NPR2: variants seen among roughly 807,000 people sequenced by gnomAD.
The protein encoded by NPR2 is atrial natriuretic peptide receptor 2.
Under a neutral mutation model 120.7 loss-of-function variants are expected in NPR2, and 49 were observed. The observed-to-expected ratio is 0.41, with a 90% CI of 0.32 to 0.52. The LOEUF is 0.52. Among genes scored for constraint, NPR2 ranks in the 20% least tolerant of loss-of-function variants. NPR2 has a pLI of 0.36. For synonymous variants in NPR2, 484 were observed against 519.8 expected, an observed-to-expected ratio of 0.93 and a Z score of 0.94; for missense variants, 931 against 1,362.9, an observed-to-expected ratio of 0.68 and a Z score of 4.99.
At position 35,800,475 on chromosome 9, in the gene NPR2, G is replaced by T; in HGVS notation, c.1210G>T (p.Asp404Tyr). The T allele has an allele frequency of 6.2e-7, 1 of 1,613,274 alleles. No individual in the cohort carries two copies. ...LWAMGDLDSGDFQPAAHYSGA... is the reference protein window; with the variant it reads ...LWAMGDLDSGYFQPAAHYSGA... ...GGCCATGGGAGACCTGGATTCTGGGGACTTTCAGGTGATGGAGGAGGAGGC... is the reference window on the plus strand; with the variant it reads ...GGCCATGGGAGACCTGGATTCTGGGTACTTTCAGGTGATGGAGGAGGAGGC... Residue 404 changes from aspartate to tyrosine, a missense_variant, in exon 5 of 22, where the codon GAC becomes TAC. By Grantham distance (160) the Asp-to-Tyr change is radical. This residue lies in a region of NPR2 where 681 missense variants were observed against 974.3 expected (regional missense o/e 0.70). Transcript: ENST00000342694. The surrounding 1 kb of genome is among the most constrained non-coding windows in gnomAD (Gnocchi z 4.7).
In NPR2 at chr9:35,806,296, G is replaced by C. The variant is rs1282843052; in HGVS notation, c.2372+63G>C. Reference sequence around the variant, plus strand: ...AGAAGACTCATTAGTCCTAGTGCATGAAGTGGGGCAGGTGGGACCAGAGGG... The same window carrying C: ...AGAAGACTCATTAGTCCTAGTGCATCAAGTGGGGCAGGTGGGACCAGAGGG... On this transcript the variant is annotated intron_variant, in intron 15 of 21. Coordinates refer to ENST00000342694, the MANE Select transcript of NPR2 (RefSeq NM_003995.4). This position sits in a 1 kb window ranked among gnomAD's most constrained non-coding sequence, Gnocchi z 4.6. 5 of 1,610,846 alleles carry C rather than the reference G, an allele frequency of 3.1e-6. No homozygotes were observed. The East Asian group carries it at 1.1e-4, about 36-fold the overall frequency.
In NPR2 at chr9:35,800,539, G is replaced by A. The variant is rs2132079035; in HGVS notation, c.1218+56G>A. 8 of 1,573,788 alleles carry A rather than the reference G, an allele frequency of 5.1e-6. No homozygotes were observed. Among genetic ancestry groups the A allele is most frequent in the Non-Finnish European group, 7.0e-6 (8 of 1,144,034 alleles). On this transcript the variant is annotated intron_variant, in intron 5 of 21. Coordinates refer to ENST00000342694, the MANE Select transcript of NPR2 (RefSeq NM_003995.4). The surrounding 1 kb of genome is among the most constrained non-coding windows in gnomAD (Gnocchi z 4.7). ...TGGCCCTGCAAAATCCAGCTTTCAA[G>A]GGTTCAGTCGGGGCAGAACCAAAAC...
At position 35,802,439 on chromosome 9, in the gene NPR2, G is replaced by A; in HGVS notation, c.1711-64G>A. On this transcript the variant is annotated intron_variant, in intron 10 of 21. Transcript: ENST00000342694. This position sits in a 1 kb window ranked among gnomAD's most constrained non-coding sequence, Gnocchi z 4.2. ...GAAAGGTCCTCTTATGTAGTGGTAA[G>A]TTTCTGTATCTAATTTTTAACTCTT... 1 of 1,043,348 alleles carries A rather than the reference G, an allele frequency of 9.6e-7. No homozygotes were observed. Among genetic ancestry groups the A allele is most frequent in the South Asian group, 1.3e-5 (1 of 79,318 alleles). The allele number at this position is 1,043,348 out of a possible 1,614,324, so 64.6% of individuals were successfully genotyped here.
chr9:35,806,830 C>CA lies in NPR2; in HGVS notation c.2520-190dup, dbSNP rs35457827. On this transcript the variant is annotated intron_variant, in intron 16 of 21. Transcript: ENST00000342694. This position sits in a 1 kb window ranked among gnomAD's most constrained non-coding sequence, Gnocchi z 4.6. ...AGCTCCCATGCACAGGGATTCCCCT[C>CA]AAACCCCCCCGCCACTTGTGTGCCT... Among the ~76,000 whole-genome samples the CA allele has an allele frequency of 2.0e-5, 3 of 152,264 alleles. No homozygotes were observed. The highest frequency in any genetic ancestry group is 1.3e-4 in the Admixed American group (2 of 15,290).
Position 35,799,711 on chromosome 9 carries a change from G to A in NPR2, c.967G>A (p.Val323Met). 6.2e-7 allele frequency: 1 copy of A among 1,613,950 alleles called. No individual in the cohort carries two copies. The highest frequency in any genetic ancestry group is 8.5e-7 in the Non-Finnish European group (1 of 1,179,892). ...GATAAGAGCCCGGGAAGACTTTGGT[G>A]TGGAGCTGGGCCCTTCCCTGGTAAG... ...LLIRAREDFG[V>M]ELGPSLMNLI... Residue 323 changes from valine (V) to methionine (M), a missense_variant, in exon 3 of 22, where the codon GTG becomes ATG. Transcript: ENST00000342694.
At position 35,792,473 on chromosome 9, in the gene NPR2, C is replaced by G. The variant is rs1827813477; in HGVS notation, c.65C>G (p.Ala22Gly). Residue 22 changes from alanine (A) to glycine (G), a missense_variant, in exon 1 of 22, where the codon GCG (alanine) becomes GGG (glycine). Physicochemically the swap from Ala to Gly is moderately conservative, Grantham distance 60. Coordinates refer to ENST00000342694, the MANE Select transcript of NPR2 (RefSeq NM_003995.4). ...GCAGGTGGGGTGCGTCCTCCCGGGG[C>G]GCGGAACCTGACGCTGGCGGTGGTG... ...ALAGGVRPPG[A>G]RNLTLAVVLP... is the part of the protein sequence containing the mutation. 2 of 1,610,882 alleles carry G rather than the reference C, an allele frequency of 1.2e-6. No homozygotes were observed. The highest frequency in any genetic ancestry group is 2.2e-5 in the South Asian group (2 of 91,070).
chr9:35,800,513 G>A lies in NPR2; in HGVS notation c.1218+30G>A, dbSNP rs569929256. 6.3e-6 allele frequency: 10 copies of A among 1,592,808 alleles called. No homozygotes were observed. In the Admixed American group the frequency reaches 1.3e-4, roughly 21 times the overall value. ...TGGAGGAGGAGGCAGGGAAGAGAGT[G>A]TGGCCCTGCAAAATCCAGCTTTCAA... On this transcript the variant is annotated intron_variant, in intron 5 of 21. Transcript: ENST00000342694. This position sits in a 1 kb window ranked among gnomAD's most constrained non-coding sequence, Gnocchi z 4.7.
At chr9:35,794,682 G>A (rs1827894300) in intron 2 of NPR2, among the ~76,000 whole-genome samples, 1 of 152,166 alleles carries the variant, frequency 6.6e-6, no homozygotes, top group Non-Finnish European at 1.5e-5. Flanking sequence ...ATAGGAATGG[G>A]CGTGTTTGAG....
chr9:35,801,789 C>G (rs969647513), intron 8 of NPR2, 26 bp downstream of exon 8: 2 of 1,614,134 alleles, frequency 1.2e-6, no homozygotes, highest in Non-Finnish European at 1.7e-6. Flanking sequence ...AGCTGTTCCT[C>G]TGCCTCCCTC....
Position 35,800,609 on chromosome 9 carries a change from C to A in NPR2, c.1219-100C>A. The A allele has an allele frequency of 6.3e-7, 1 of 1,599,410 alleles. No individual in the cohort carries two copies. The highest frequency in any genetic ancestry group is 8.6e-7 in the Non-Finnish European group (1 of 1,167,550). ...TTTCTCTGCTGGCACTGCATCCTGG[C>A]TGGGTGGTAGGCTGGGGAGAAAAGC... On this transcript the variant is annotated intron_variant, in intron 5 of 21. Coordinates refer to ENST00000342694, the MANE Select transcript of NPR2 (RefSeq NM_003995.4). This position sits in a 1 kb window ranked among gnomAD's most constrained non-coding sequence, Gnocchi z 4.7.
At chr9:35,803,135 G>A (rs1336865936) in intron 12 of NPR2, among the ~76,000 whole-genome samples, 3 of 81,432 alleles carry the variant, frequency 3.7e-5, no homozygotes, top group Middle Eastern at 5.1e-3. Context: ...ACGGAGTCTC[G>A]CTCTGTCGCC....
In NPR2 at chr9:35,792,572, C is replaced by G. The variant is rs751040203; in HGVS notation, c.164C>G (p.Ala55Gly). 1 of 1,612,884 alleles carries G rather than the reference C, an allele frequency of 6.2e-7. No homozygotes were observed. Among genetic ancestry groups the G allele is most frequent in the Admixed American group, 1.7e-5 (1 of 60,024 alleles). ...VGPAVALAVE[A>G]LGRALPVDLR... ...CCCGCTGTGGCACTAGCTGTGGAGG[C>G]TCTGGGCCGGGCACTGCCCGTGGAC... Residue 55 changes from alanine to glycine, a missense_variant, in exon 1 of 22, where the codon GCT (alanine) becomes GGT (glycine). This residue lies in a region of NPR2 where 681 missense variants were observed against 974.3 expected (regional missense o/e 0.70). Coordinates refer to ENST00000342694, the MANE Select transcript of NPR2 (RefSeq NM_003995.4).
In NPR2 at chr9:35,794,062, C is replaced by T. The variant is rs1192585936; in HGVS notation, c.832C>T (p.Arg278Cys). The change falls in exon 2 of 22, where the codon CGC becomes TGC. Residue 278 changes from arginine to cysteine, a missense_variant. Arg to Cys is a radical substitution (Grantham distance 180, BLOSUM62 -3). Coordinates refer to ENST00000342694, the MANE Select transcript of NPR2 (RefSeq NM_003995.4). ...RATGRPWQDN[R>C]TREQAQALRE... ...TACAGGCCGGCCCTGGCAGGACAAT[C>T]GCACCCGGGAACAGGCCCAGGCCCT... 6.2e-6 allele frequency: 10 copies of T among 1,614,070 alleles called. No individual in the cohort carries two copies. The Admixed American group carries it at 1.0e-4, about 16-fold the overall frequency.
chr9:35,806,318 A>AG lies in NPR2; in HGVS notation c.2373-71dup, dbSNP rs1490988415. On this transcript the variant is annotated intron_variant, in intron 15 of 21. Transcript: ENST00000342694. This position sits in a 1 kb window ranked among gnomAD's most constrained non-coding sequence, Gnocchi z 4.6. Reference sequence around the variant, plus strand: ...CATGAAGTGGGGCAGGTGGGACCAGAGGGTGGGTTGGATAGGAAGTCCTGG... The same window carrying AG: ...CATGAAGTGGGGCAGGTGGGACCAGAGGGGTGGGTTGGATAGGAAGTCCTGG... 52 of 1,609,440 alleles carry AG rather than the reference A, an allele frequency of 3.2e-5. No individual in the cohort carries two copies. The highest frequency in any genetic ancestry group is 4.3e-5 in the Non-Finnish European group (51 of 1,175,992).
In NPR2 at chr9:35,792,549, C is replaced by A; in HGVS notation, c.141C>A (p.Pro47=). 1 of 1,611,822 alleles carries A rather than the reference C, an allele frequency of 6.2e-7. No individual in the cohort carries two copies. The highest frequency in any genetic ancestry group is 8.5e-7 in the Non-Finnish European group (1 of 1,179,950). ...CCTGGGCCTGGCCACGGGTGGGACC[C>A]GCTGTGGCACTAGCTGTGGAGGCTC... ...SYAWAWPRVG[P]AVALAVEALG... Residue 47 remains proline, a synonymous_variant, in exon 1 of 22, where the codon CCC becomes CCA. Coordinates refer to ENST00000342694, the MANE Select transcript of NPR2 (RefSeq NM_003995.4).
chr9:35,798,199 T>C (rs951099065), intron 2 of NPR2, among the ~76,000 whole-genome samples: 3 of 152,254 alleles, frequency 2.0e-5, no homozygotes, highest in African/African-American at 7.2e-5. Flanking sequence ...TCAGCCTTTA[T>C]TGAAATATAA....
At chr9:35,807,495 G>A in intron 18 of NPR2, 97 bp downstream of exon 18, 1 of 987,236 alleles carries the variant, frequency 1.0e-6, no homozygotes, top group Non-Finnish European at 1.6e-6. Flanking sequence ...CCCACCCCAT[G>A]ATCAGTTTTC....
At position 35,808,296 on chromosome 9, in the gene NPR2, T is replaced by C; in HGVS notation, c.2713-213T>C. ...TCATTCCGCAAATGTTTACTGAGTA[T>C]TCACCAGGTGCTGGGTGGAGAAAGA... On this transcript the variant is annotated intron_variant, in intron 18 of 21. Transcript: ENST00000342694. The surrounding 1 kb of genome is among the most constrained non-coding windows in gnomAD (Gnocchi z 4.0). 1 of 1,608,566 alleles carries C rather than the reference T, an allele frequency of 6.2e-7. No homozygotes were observed. Among genetic ancestry groups the C allele is most frequent in the East Asian group, 2.2e-5 (1 of 44,874 alleles).
Position 35,808,448 on chromosome 9 carries a change from T to C in NPR2, c.2713-61T>C, listed in dbSNP as rs1443079633. Reference sequence around the variant, plus strand: ...TGATGGTGTCAAGCTTGTCTCCCTCTACTTTTTCCCATCCCCATGGATATA... The same window carrying C: ...TGATGGTGTCAAGCTTGTCTCCCTCCACTTTTTCCCATCCCCATGGATATA... On this transcript the variant is annotated intron_variant, in intron 18 of 21. Transcript: ENST00000342694. The surrounding 1 kb of genome is among the most constrained non-coding windows in gnomAD (Gnocchi z 4.0). 10 of 1,564,428 alleles carry C rather than the reference T, an allele frequency of 6.4e-6. No individual in the cohort carries two copies. The highest frequency in any genetic ancestry group is 7.9e-6 in the Non-Finnish European group (9 of 1,136,206).
Sources: allele counts gnomAD v4.1 joint callset (sites outside exome capture counted in the v4.1 genomes callset), GRCh38; gene constraint gnomAD v4.1.1; regional missense constraint gnomAD v4.1.1; non-coding constraint Gnocchi (gnomAD v3.1); transcripts MANE v1.5; gene names NCBI Gene and HGNC (gene_info 2026-07-23, HGNC 2026-07-21).